Variants in MFN1 observed in about 807,000 individuals in gnomAD.
MFN1 encodes the protein mitofusin 1.
Under a neutral mutation model 92.4 loss-of-function variants are expected in MFN1, and 65 were observed. The observed-to-expected ratio is 0.70, with a 90% CI of 0.58 to 0.86. The LOEUF (loss-of-function observed/expected upper bound fraction) is 0.86. Ranked by LOEUF, MFN1 falls within the 40% of genes least tolerant of loss-of-function variation. MFN1 has a pLI of 0.00. For missense variants in MFN1, 781 were observed against 868.0 expected (o/e 0.90, Z 1.26); for synonymous variants, 297 against 300.9 (o/e 0.99, Z 0.13).
At chr3:179,352,250 G>T (rs1560188953) in intron 3 of MFN1, among the ~76,000 whole-genome samples, 2 of 152,172 alleles carry the variant, frequency 1.3e-5, no homozygotes, top group Non-Finnish European at 2.9e-5. Flanking sequence ...ACCTTTTAAT[G>T]ATTCTCATCT....
At chr3:179,390,980 A>G (rs773302417) in intron 17 of MFN1, among the ~76,000 whole-genome samples, 1 of 152,170 alleles carries the variant, frequency 6.6e-6, no homozygotes, top group Non-Finnish European at 1.5e-5. Flanking sequence ...CCTTAGTTTC[A>G]AAATCTCTGG....
intron 2 of MFN1, among the ~76,000 whole-genome samples, chr3:179,349,648 A>G (rs973376019): frequency 3.3e-5 from 5 of 151,894 alleles, no homozygotes; most frequent in African/African-American, 1.2e-4. Context: ...AAATGGGACT[A>G]CAGTGCACGT....
chr3:179,391,400 T>C (rs530130357), intron 17 of MFN1, among the ~76,000 whole-genome samples: 1 of 152,288 alleles, frequency 6.6e-6, no homozygotes, highest in East Asian at 1.9e-4. Context: ...CATTTTTTAC[T>C]AGATTAGGCT....
At chr3:179,368,209 TATTTA>T (rs1712882114) in intron 9 of MFN1, 106 bp downstream of exon 9, 1 of 844,224 alleles carries the variant, frequency 1.2e-6, no homozygotes. Flanking sequence ...CTTTTGCTGT[TATTTA>T]GTTTAGTTAC....
chr3:179,353,297 C>T (rs1712226489), intron 3 of MFN1, among the ~76,000 whole-genome samples: 1 of 150,254 alleles, frequency 6.7e-6, no homozygotes. Flanking sequence ...AACTACTGAG[C>T]CCAGGCAATC....
intron 9 of MFN1, among the ~76,000 whole-genome samples, chr3:179,371,568 G>C (rs941620923): frequency 7.2e-5 from 11 of 152,082 alleles, no homozygotes; most frequent in Non-Finnish European, 1.6e-4. Context: ...TTTTCTTATT[G>C]TTTTAAAACT....
chr3:179,382,881 T>G (rs572674931), intron 14 of MFN1, among the ~76,000 whole-genome samples: 1 of 152,228 alleles, frequency 6.6e-6, no homozygotes, highest in Non-Finnish European at 1.5e-5. Flanking sequence ...TTTTGAGAAG[T>G]GTCTGTTCAT....
intron 16 of MFN1, 65 bp downstream of exon 16, chr3:179,386,694 A>G: frequency 7.0e-7 from 1 of 1,423,242 alleles, no homozygotes; most frequent in Non-Finnish European, 9.6e-7. Context: ...CATGCAGAAA[A>G]AGCACAAAAT....
rs749884641 is a variant in MFN1, at chr3:179,358,860, C to G, written c.269C>G (p.Ser90Cys). Residue 90 changes from serine (S) to cysteine (C), a missense_variant, in exon 4 of 18, where the codon TCT becomes TGT. Coordinates refer to ENST00000471841, the MANE Select transcript of MFN1 (RefSeq NM_033540.3). Reference protein sequence around the residue: ...FFGRTSSGKSSVINAMLWDKV... With the variant: ...FFGRTSSGKSCVINAMLWDKV... ...TTCAGGACAAGCAGTGGGAAGAGCT[C>G]TGTTATCAATGCAATGTTGTGGGAT... The G allele has an allele frequency of 6.2e-7, 1 of 1,613,124 alleles. No homozygotes were observed. Among genetic ancestry groups the G allele is most frequent in the Non-Finnish European group, 8.5e-7 (1 of 1,179,684 alleles).
rs1485109136 is a variant in MFN1 at position 179,368,047 on chromosome 3, G to T, written c.919G>T (p.Ala307Ser). 4 of 1,567,906 alleles carry T rather than the reference G, an allele frequency of 2.6e-6. No individual in the cohort carries two copies. Among genetic ancestry groups the T allele is most frequent in the Non-Finnish European group, 2.6e-6 (3 of 1,155,222 alleles). ...CCTGTACGTTACAGGTGTGGCACTT[G>T]CTGAAGGATTTCATGCAAGATTACA... ...QGMPESGVAL[A>S]EGFHARLQEF... The change falls in exon 9 of 18, where the codon GCT becomes TCT. Residue 307 changes from alanine to serine, a missense_variant. Ala to Ser is a moderately conservative substitution (Grantham distance 99, BLOSUM62 1). Coordinates refer to ENST00000471841, the MANE Select transcript of MFN1 (RefSeq NM_033540.3).
At chr3:179,391,060 G>T (rs1002758828) in intron 17 of MFN1, among the ~76,000 whole-genome samples, 1 of 152,148 alleles carries the variant, frequency 6.6e-6, no homozygotes, top group Non-Finnish European at 1.5e-5. Context: ...GTATTAGATT[G>T]CTCCTATTTT....
At chr3:179,351,479 C>T (rs762985971) in intron 2 of MFN1, among the ~76,000 whole-genome samples, 1 of 152,188 alleles carries the variant, frequency 6.6e-6, no homozygotes, top group Non-Finnish European at 1.5e-5. Flanking sequence ...AGACCTTGCA[C>T]TGTATCTTAA....
At chr3:179,380,623 A>T (rs984914809) in intron 14 of MFN1, among the ~76,000 whole-genome samples, 7 of 152,158 alleles carry the variant, frequency 4.6e-5, no homozygotes, top group South Asian at 2.1e-4. Context: ...AATTCTTATT[A>T]AAAAAAGTGT....
Position 179,362,397 on chromosome 3 carries a change from G to A in MFN1, c.451G>A (p.Asp151Asn). ...GGCCCATGCCCTTCACATGGACAAA[G>A]ATTTGAAAGCTGGCTGTCTTGTACG... is the stretch of plus-strand genomic sequence containing the variant. ...QLAHALHMDK[D>N]LKAGCLVRVF... The change falls in exon 5 of 18, where the codon GAT (aspartate) becomes AAT (asparagine). Residue 151 changes from aspartate (D) to asparagine (N), a missense_variant. Physicochemically the swap from Asp to Asn is conservative, Grantham distance 23. Coordinates refer to ENST00000471841, the MANE Select transcript of MFN1 (RefSeq NM_033540.3). The A allele has an allele frequency of 6.2e-7, 1 of 1,613,218 alleles. No homozygotes were observed. The highest frequency in any genetic ancestry group is 8.5e-7 in the Non-Finnish European group (1 of 1,179,950).
At chr3:179,352,635 C>G (rs1211082666) in intron 3 of MFN1, among the ~76,000 whole-genome samples, 2 of 152,224 alleles carry the variant, frequency 1.3e-5, no homozygotes, top group African/African-American at 4.8e-5. Context: ...TTCTAGGCAG[C>G]TTATGTAAAT....
At chr3:179,386,380 T>C in intron 15 of MFN1, 53 bp from the exon 16 acceptor site, 1 of 1,422,944 alleles carries the variant, frequency 7.0e-7, no homozygotes, top group South Asian at 1.2e-5. Flanking sequence ...TTAAATGTAC[T>C]CTCCAAAGTG....
rs749985640 is a variant in MFN1, at chr3:179,386,642, G to A, written c.2012+13G>A. On this transcript the variant is annotated intron_variant, in intron 16 of 17. Transcript: ENST00000471841. ...ACCAAGTAAAACAGTAAGTTGGAAG[G>A]TGCATCTTTCCTTTAAAAAAAAGTT... 21 of 1,587,026 alleles carry A rather than the reference G, an allele frequency of 1.3e-5. No homozygotes were observed. The highest frequency in any genetic ancestry group is 1.8e-5 in the Non-Finnish European group (21 of 1,168,086).
chr3:179,385,904 C>G lies in MFN1; in HGVS notation c.1815+183C>G, dbSNP rs371129022. Among the ~76,000 whole-genome samples the G allele has an allele frequency of 3.3e-5, 5 of 152,220 alleles. 2 individuals are homozygous for G. The highest frequency in any genetic ancestry group is 6.5e-5 in the Admixed American group (1 of 15,292). ...AGTTTCATCTTAAATTTTTAAAAAA[C>G]ATACATCTTTAGGAATGAACTATCA... is the stretch of plus-strand genomic sequence containing the variant. On this transcript the variant is annotated intron_variant, in intron 15 of 17. Coordinates refer to ENST00000471841, the MANE Select transcript of MFN1 (RefSeq NM_033540.3).
intron 5 of MFN1, 133 bp from the exon 6 acceptor site, chr3:179,364,164 C>A: frequency 3.5e-6 from 2 of 566,368 alleles, no homozygotes; most frequent in South Asian, 2.7e-5. Flanking sequence ...TTAAAATTTC[C>A]TAGACTTCTT....
Sources: allele counts gnomAD v4.1 joint callset (sites outside exome capture counted in the v4.1 genomes callset), GRCh38; gene constraint gnomAD v4.1.1; transcripts MANE v1.5; gene names NCBI Gene and HGNC (gene_info 2026-07-23, HGNC 2026-07-21).